The following GLYAT variants were observed in gnomAD, a reference collection of about 807,000 sequenced individuals.
The protein encoded by GLYAT is glycine-N-acyltransferase.
In GLYAT, 25 loss-of-function variants were observed where a neutral mutation model predicts 22.8. The ratio of observed to expected loss-of-function variants is 1.09; its 90% CI spans 0.80 to 1.53. The LOEUF (loss-of-function observed/expected upper bound fraction) is 1.53, where lower values mean the gene tolerates loss of function less well. Among genes scored for constraint, GLYAT ranks in the 40% most tolerant of loss-of-function variants. The probability of loss-of-function intolerance (pLI) is 0.00; values close to 1 mark genes in which losing one functional copy is unlikely to be tolerated. For missense variants in GLYAT, 411 were observed against 353.9 expected, an observed-to-expected ratio of 1.16 and a Z score of -1.29; for synonymous variants, 140 against 122.7, an observed-to-expected ratio of 1.14 and a Z score of -0.93.
intron 1 of GLYAT, among the ~76,000 whole-genome samples, chr11:58,731,480 GCATAA>G (rs1175619278): frequency 9.2e-5 from 14 of 152,096 alleles, no homozygotes; most frequent in African/African-American, 3.1e-4. Context: ...CATATTCTGA[GCATAA>G]CACAATACGG....
At chr11:58,719,892 A>G (rs1245813647) in intron 2 of GLYAT, among the ~76,000 whole-genome samples, 1 of 152,048 alleles carries the variant, frequency 6.6e-6, no homozygotes, top group African/African-American at 2.4e-5. Context: ...CTTTTTAAAT[A>G]TAGAAATCCT....
At chr11:58,724,584 C>T in intron 1 of GLYAT, 73 bp from the exon 2 acceptor site, 1 of 664,286 alleles carries the variant, frequency 1.5e-6, no homozygotes, top group South Asian at 3.2e-5. Context: ...GTAGCAAGTT[C>T]TTTATTAATG....
At chr11:58,727,907 G>C (rs1174166582) in intron 1 of GLYAT, among the ~76,000 whole-genome samples, 3 of 152,096 alleles carry the variant, frequency 2.0e-5, no homozygotes, top group African/African-American at 7.2e-5. Flanking sequence ...AATCAAGGGA[G>C]AATGGACACA....
chr11:58,715,252 C>T (rs1856664812), intron 3 of GLYAT, 64 bp downstream of exon 3: 3 of 775,262 alleles, frequency 3.9e-6, no homozygotes, highest in Non-Finnish European at 6.8e-6. Context: ...TACCATATTG[C>T]TAAGAATGTA....
rs1203449103 is a variant in GLYAT at position 58,709,997 on chromosome 11, A to T, written c.660T>A (p.Asp220Glu). The T allele has an allele frequency of 3.1e-6, 5 of 1,614,072 alleles. No individual in the cohort carries two copies. In the East Asian group the frequency reaches 1.1e-4, roughly 36 times the overall value. Residue 220 changes from aspartate (D) to glutamate (E), a missense_variant, in exon 6 of 6, where the codon GAT becomes GAA. Transcript: ENST00000344743. Reference protein sequence around the residue: ...LGPEGTPVCWDLMDQTGEMRM... With the variant: ...LGPEGTPVCWELMDQTGEMRM... ...TCATCTCTCCAGTCTGGTCCATTAG[A>T]TCCCAGCACACAGGGGTCCCCTCAG...
At chr11:58,711,979 C>T (rs1447758213) in intron 4 of GLYAT, among the ~76,000 whole-genome samples, 7 of 152,186 alleles carry the variant, frequency 4.6e-5, no homozygotes, top group East Asian at 1.9e-4. Context: ...CCACAGTCAC[C>T]AGCTGTCATG....
At chr11:58,723,044 G>A (rs1422585353) in intron 2 of GLYAT, among the ~76,000 whole-genome samples, 1 of 151,988 alleles carries the variant, frequency 6.6e-6, no homozygotes, top group Non-Finnish European at 1.5e-5. Flanking sequence ...TCCCAAGAAG[G>A]AATCCTTGGG....
chr11:58,711,389 A>G (rs1362739869), intron 4 of GLYAT, among the ~76,000 whole-genome samples: 1 of 152,166 alleles, frequency 6.6e-6, no homozygotes, highest in African/African-American at 2.4e-5. Context: ...ATTGCTGGTG[A>G]GTGTACCCTT....
In GLYAT at chr11:58,710,752, G is replaced by C; in HGVS notation, c.326C>G (p.Pro109Arg). 6.3e-7 allele frequency: 1 copy of C among 1,591,356 alleles called. No homozygotes were observed. Residue 109 changes from proline to arginine, a missense_variant, in exon 5 of 6, where the codon CCT (proline) becomes CGT (arginine). By Grantham distance (103) the Pro-to-Arg change is moderately radical. Transcript: ENST00000344743. ...ATTTTGTATAGCCTCATTCAGGCTA[G>C]GCTGTGAACCTAGACGGTATAATAA... ...KQHLQIQSSQ[P>R]SLNEAIQNLA...
chr11:58,724,817 C>G (rs1054382058), intron 1 of GLYAT, among the ~76,000 whole-genome samples: 2 of 152,182 alleles, frequency 1.3e-5, no homozygotes, highest in Non-Finnish European at 2.9e-5. Flanking sequence ...ATTCTCCTGA[C>G]TCCTCTGAGA....
intron 2 of GLYAT, 171 bp downstream of exon 2, chr11:58,724,244 GC>G (rs1489308410): frequency 2.1e-6 from 1 of 483,486 alleles, no homozygotes; most frequent in East Asian, 3.1e-5. Context: ...TTTCTTAACA[GC>G]AACATGGACA....
At chr11:58,720,899 C>T (rs1012391159) in intron 2 of GLYAT, among the ~76,000 whole-genome samples, 2 of 151,706 alleles carry the variant, frequency 1.3e-5, no homozygotes, top group Non-Finnish European at 2.9e-5. Context: ...TATTACTTTA[C>T]CAAAAATTTT....
At chr11:58,717,871 AGG>A in intron 2 of GLYAT, among the ~76,000 whole-genome samples, 1 of 152,106 alleles carries the variant, frequency 6.6e-6, no homozygotes, top group Non-Finnish European at 1.5e-5. Context: ...TTTGTTCCAT[AGG>A]AGGAGTCTCA....
chr11:58,720,474 A>G (rs949298971), intron 2 of GLYAT, among the ~76,000 whole-genome samples: 1 of 151,922 alleles, frequency 6.6e-6, no homozygotes, highest in Non-Finnish European at 1.5e-5. Flanking sequence ...GACCTAACTG[A>G]CTCCATCTGG....
At chr11:58,710,842 G>C (rs1239089965) in intron 4 of GLYAT, 81 bp from the exon 5 acceptor site, 1 of 830,488 alleles carries the variant, frequency 1.2e-6, no homozygotes, top group Non-Finnish European at 2.0e-6. Context: ...GAAGTGTCTG[G>C]GATTTAGTAT....
chr11:58,723,279 T>A (rs1479563980), intron 2 of GLYAT, among the ~76,000 whole-genome samples: 1 of 152,112 alleles, frequency 6.6e-6, no homozygotes, highest in Non-Finnish European at 1.5e-5. Context: ...GGGAGGTTAT[T>A]TATATCTTAA....
In GLYAT at chr11:58,712,877, C is replaced by G; in HGVS notation, c.199G>C (p.Asp67His). Residue 67 changes from aspartate to histidine, a missense_variant, in exon 4 of 6, where the codon GAT becomes CAT. Asp to His is a moderately conservative substitution (Grantham distance 81). Transcript: ENST00000344743. ...VVCPQEQDMTDDLDHYTNTYQ... is the reference protein window; with the variant it reads ...VVCPQEQDMTHDLDHYTNTYQ... ...GTATTGGTATAGTGATCAAGGTCAT[C>G]TGTCATATCCTGTTATCATTAGGAA... 2 of 1,593,724 alleles carry G rather than the reference C, an allele frequency of 1.3e-6. No individual in the cohort carries two copies. The highest frequency in any genetic ancestry group is 8.6e-7 in the Non-Finnish European group (1 of 1,162,834).
Position 58,709,788 on chromosome 11 carries a change from T to C in GLYAT, c.869A>G (p.Gln290Arg). 6.2e-7 allele frequency: 1 copy of C among 1,612,458 alleles called. No individual in the cohort carries two copies. The highest frequency in any genetic ancestry group is 8.5e-7 in the Non-Finnish European group (1 of 1,179,030). The change falls in exon 6 of 6, where the codon CAG (glutamine) becomes CGG (arginine). Residue 290 changes from glutamine (Q) to arginine (R), a missense_variant. By Grantham distance (43) the Gln-to-Arg change is conservative. Transcript: ENST00000344743. ...GCATCACAGAGGTACACAGTTCCAC[T>C]GGTTCCAGCTTCTGGGAATGGGAAC... is the stretch of plus-strand genomic sequence containing the variant. Reference protein sequence around the residue: ...QHVPIPRSWNQWNCVPL With the variant: ...QHVPIPRSWNRWNCVPL
At chr11:58,714,031 G>T (rs1310950593) in intron 3 of GLYAT, among the ~76,000 whole-genome samples, 2 of 152,038 alleles carry the variant, frequency 1.3e-5, no homozygotes, top group Non-Finnish European at 2.9e-5. Flanking sequence ...TGAACCTGGA[G>T]GACATTATAC....
Sources: allele counts gnomAD v4.1 joint callset (sites outside exome capture counted in the v4.1 genomes callset), GRCh38; gene constraint gnomAD v4.1.1; transcripts MANE v1.5; gene names NCBI Gene and HGNC (gene_info 2026-07-23, HGNC 2026-07-21).